Variants in MSRA observed in about 807,000 individuals in gnomAD.
The protein encoded by MSRA is mitochondrial peptide methionine sulfoxide reductase.
Under a neutral mutation model 31.3 loss-of-function variants are expected in MSRA, and 54 were observed. The ratio of observed to expected loss-of-function variants is 1.73; its 90% CI spans 1.39 to 2.17. The LOEUF (loss-of-function observed/expected upper bound fraction) is 2.17. Among genes scored for constraint, MSRA ranks in the 30% most tolerant of loss-of-function variants. The pLI is 0.00. For synonymous variants in MSRA, 169 were observed against 116.5 expected, an observed-to-expected ratio of 1.45 and a Z score of -2.90; for missense variants, 507 against 300.9, an observed-to-expected ratio of 1.69 and a Z score of -5.07.
intron 3 of MSRA, among the ~76,000 whole-genome samples, chr8:10,253,608 G>C (rs577192947): frequency 6.6e-6 from 1 of 152,298 alleles, no homozygotes; most frequent in South Asian, 2.1e-4. Context: ...CAAAGACTTA[G>C]AAGGGAGATT....
intron 5 of MSRA, among the ~76,000 whole-genome samples, chr8:10,376,604 C>T (rs955920507): frequency 5.3e-5 from 8 of 152,174 alleles, no homozygotes; most frequent in African/African-American, 1.7e-4. Context: ...ACCTGACACA[C>T]AGTAAGTGCT....
chr8:10,329,265 C>G (rs1802552705), intron 5 of MSRA, among the ~76,000 whole-genome samples: 1 of 152,174 alleles, frequency 6.6e-6, no homozygotes, highest in Non-Finnish European at 1.5e-5. Context: ...TTCCCTGGAC[C>G]CAAATCAGGG....
At chr8:10,205,441 G>A (rs1164197466) in intron 1 of MSRA, among the ~76,000 whole-genome samples, 5 of 152,202 alleles carry the variant, frequency 3.3e-5, no homozygotes, top group Middle Eastern at 3.4e-3. Context: ...TCCCAAAGGT[G>A]GGGGATGCTG....
At chr8:10,132,608 C>CAG (rs944981523) in intron 1 of MSRA, among the ~76,000 whole-genome samples, 1 of 152,104 alleles carries the variant, frequency 6.6e-6, no homozygotes, top group Non-Finnish European at 1.5e-5. Context: ...TCTTGCTGAA[C>CAG]AGAGAGAGAG....
intron 2 of MSRA, among the ~76,000 whole-genome samples, chr8:10,240,853 A>T (rs951078922): frequency 6.6e-6 from 1 of 151,034 alleles, no homozygotes; most frequent in Non-Finnish European, 1.5e-5. Flanking sequence ...CCATCCCCCA[A>T]ATCGGCCTTT....
chr8:10,114,033 C>T (rs937284449), intron 1 of MSRA, among the ~76,000 whole-genome samples: 1 of 152,160 alleles, frequency 6.6e-6, no homozygotes, highest in African/African-American at 2.4e-5. Flanking sequence ...CTATTCTGGA[C>T]CTTTCACGTC....
At chr8:10,387,811 G>A (rs1381692346) in intron 5 of MSRA, among the ~76,000 whole-genome samples, 2 of 152,324 alleles carry the variant, frequency 1.3e-5, no homozygotes, top group African/African-American at 2.4e-5. Flanking sequence ...TAAGACAATT[G>A]CTTTTTTCGG....
chr8:10,388,298 T>G (rs1168994591), intron 5 of MSRA, among the ~76,000 whole-genome samples: 1 of 152,182 alleles, frequency 6.6e-6, no homozygotes, highest in African/African-American at 2.4e-5. Flanking sequence ...CTGTGCCTTC[T>G]CCCTCGATAA....
chr8:10,427,471 C>G (rs1358937883), intron 5 of MSRA, among the ~76,000 whole-genome samples: 1 of 152,214 alleles, frequency 6.6e-6, no homozygotes, highest in East Asian at 1.9e-4. Context: ...CCACAGGCCA[C>G]ATCCTGCCCT....
chr8:10,274,084 C>G (rs1018875682), intron 3 of MSRA, among the ~76,000 whole-genome samples: 1 of 152,170 alleles, frequency 6.6e-6, no homozygotes, highest in Non-Finnish European at 1.5e-5. Flanking sequence ...GGGTTAGCAT[C>G]AAGGCATCTG....
intron 1 of MSRA, among the ~76,000 whole-genome samples, chr8:10,091,607 GTT>G (rs377691325): frequency 5.1e-5 from 7 of 136,344 alleles, no homozygotes; most frequent in Admixed American, 7.4e-5. Context: ...TCATATGGTA[GTT>G]TTTTTTTTTT....
At chr8:10,077,440 T>A (rs971119872) in intron 1 of MSRA, among the ~76,000 whole-genome samples, 3 of 152,016 alleles carry the variant, frequency 2.0e-5, no homozygotes, top group Admixed American at 6.5e-5. Context: ...GTACTACTGT[T>A]TGTCATTTTA....
chr8:10,235,200 A>G (rs934392156), intron 2 of MSRA, among the ~76,000 whole-genome samples: 3 of 152,180 alleles, frequency 2.0e-5, no homozygotes, highest in Admixed American at 2.0e-4. Context: ...ACAAATTTCA[A>G]AATAATGAAG....
rs148650925 is a variant in MSRA, at chr8:10,372,727, G to A, written c.543+52738G>A. Among the ~76,000 whole-genome samples the A allele has an allele frequency of 4.3e-4, 66 of 152,300 alleles. 1 individual carries two copies. Among genetic ancestry groups the A allele is most frequent in the African/African-American group, 1.6e-3 (65 of 41,560 alleles). On this transcript the variant is annotated intron_variant, in intron 5 of 5. Coordinates refer to ENST00000317173, the MANE Select transcript of MSRA (RefSeq NM_012331.5). ...CCCCAGGAATTTGCAATAGAAGGTT[G>A]GAATGGTTAGGGAATAATAATTTAA...
intron 1 of MSRA, among the ~76,000 whole-genome samples, chr8:10,131,726 G>T (rs1445763154): frequency 6.6e-6 from 1 of 152,150 alleles, no homozygotes; most frequent in Non-Finnish European, 1.5e-5. Context: ...CCTATGGCCA[G>T]TGTCCACCCT....
At chr8:10,113,289 C>CTTTTTTTTTTTTTTTTT (rs1467440154) in intron 1 of MSRA, among the ~76,000 whole-genome samples, 543 of 50,848 alleles carry the variant, frequency 0.011, 30 homozygotes, top group Middle Eastern at 0.014. Flanking sequence ...GAAGACAGGT[C>CTTTTTTTTTTTTTTTTT]TTCTTTTTTT....
chr8:10,400,693 A>G (rs1807405770), intron 5 of MSRA, among the ~76,000 whole-genome samples: 1 of 152,126 alleles, frequency 6.6e-6, no homozygotes, highest in Non-Finnish European at 1.5e-5. Context: ...GTTAGACAGG[A>G]AGGCTGAACC....
chr8:10,095,447 A>C, intron 1 of MSRA: 1 of 984,330 alleles, frequency 1.0e-6, no homozygotes, highest in Non-Finnish European at 1.2e-6. Flanking sequence ...CAAATGTATT[A>C]ATTGATCCGC....
At chr8:10,173,595 C>T (rs914068575) in intron 1 of MSRA, among the ~76,000 whole-genome samples, 4 of 152,174 alleles carry the variant, frequency 2.6e-5, no homozygotes, top group Admixed American at 6.5e-5. Flanking sequence ...ACACCTCAAA[C>T]GTATGCTCAG....
Sources: gnomAD v4.1 joint callset for allele counts (sites outside exome capture counted in the v4.1 genomes callset) on GRCh38, gnomAD v4.1.1 for gene constraint, MANE v1.5 for transcripts, NCBI Gene and HGNC (gene_info 2026-07-23, HGNC 2026-07-21) for gene names.